Variants in DNAJC11 observed in about 807,000 individuals in gnomAD.
DNAJC11 encodes the protein dnaJ homolog subfamily C member 11.
A neutral mutation model predicts 78.6 loss-of-function variants in DNAJC11; 15 were observed. The ratio of observed to expected loss-of-function variants is 0.19; its 90% CI spans 0.13 to 0.29. DNAJC11 has a LOEUF of 0.29. DNAJC11 is among the 10% of genes least tolerant of loss of function. DNAJC11 has a pLI of 1.00. For synonymous variants in DNAJC11, 292 were observed against 272.1 expected (o/e 1.07, Z -0.72); for missense variants, 547 against 709.6 (o/e 0.77, Z 2.60).
chr1:6,698,081 G>A (rs1312362507), intron 1 of DNAJC11, among the ~76,000 whole-genome samples: 3 of 152,236 alleles, frequency 2.0e-5, no homozygotes, highest in African/African-American at 4.8e-5. Context: ...TGAGCCACGC[G>A]CCCAGCCTAT....
At chr1:6,657,452 G>A (rs541347027) in intron 4 of DNAJC11, among the ~76,000 whole-genome samples, 1 of 152,284 alleles carries the variant, frequency 6.6e-6, no homozygotes, top group South Asian at 2.1e-4. Flanking sequence ...CCATCTGACT[G>A]CAACCCCTGT....
chr1:6,653,966 C>G lies in DNAJC11; in HGVS notation c.452G>C (p.Gly151Ala). Residue 151 changes from glycine to alanine, a missense_variant, in exon 5 of 16, where the codon GGC becomes GCC. By Grantham distance (60) the Gly-to-Ala change is moderately conservative (BLOSUM62 0). Transcript: ENST00000377577. The surrounding 1 kb of genome is among the most constrained non-coding windows in gnomAD (Gnocchi z 4.5). ...RYDEEYEDVS[G>A]SSFPQIEINK... ...AATTTCAATCTGCGGAAAGCTACTG[C>G]CGGACACATCTTCATACTCCTCATC... The G allele has an allele frequency of 6.2e-7, 1 of 1,613,562 alleles. No individual in the cohort carries two copies. Among genetic ancestry groups the G allele is most frequent in the South Asian group, 1.1e-5 (1 of 91,076 alleles).
intron 3 of DNAJC11, 50 bp from the exon 4 acceptor site, chr1:6,667,860 G>GCGA: frequency 1.3e-6 from 2 of 1,542,556 alleles, no homozygotes; most frequent in Non-Finnish European, 1.8e-6. Context: ...AGGAGGTAAG[G>GCGA]GAAACGTACA....
intron 7 of DNAJC11, among the ~76,000 whole-genome samples, chr1:6,650,438 C>T (rs537542711): frequency 2.6e-5 from 4 of 152,184 alleles, no homozygotes; most frequent in Admixed American, 1.3e-4. Context: ...TGTTGGCACA[C>T]GCCTGTAGTC....
At chr1:6,671,260 T>C (rs1043300543) in intron 3 of DNAJC11, among the ~76,000 whole-genome samples, 2 of 152,250 alleles carry the variant, frequency 1.3e-5, no homozygotes, top group Non-Finnish European at 2.9e-5. Flanking sequence ...TTTATTTATT[T>C]GAGACAGAGT....
chr1:6,638,399 C>G (rs771044478), intron 11 of DNAJC11, 35 bp from the exon 12 acceptor site: 1 of 1,596,342 alleles, frequency 6.3e-7, no homozygotes, highest in South Asian at 1.1e-5. Flanking sequence ...CACGTTAGCG[C>G]GGCGCTGCCC....
chr1:6,637,283 C>T lies in DNAJC11; in HGVS notation c.1439G>A (p.Ser480Asn), dbSNP rs1292326129. Reference protein sequence around the residue: ...GKFVNDKSRKSEKVKVIDVTV... With the variant: ...GKFVNDKSRKNEKVKVIDVTV... ...CACGTCAATCACCTTCACCTTCTCG[C>T]TCTTCCTGCTCTTGTCATTGACAAA... Residue 480 changes from serine to asparagine, a missense_variant, in exon 14 of 16, where the codon AGC (serine) becomes AAC (asparagine). Coordinates refer to ENST00000377577, the MANE Select transcript of DNAJC11 (RefSeq NM_018198.4). 1 of 1,614,236 alleles carries T rather than the reference C, an allele frequency of 6.2e-7. No individual in the cohort carries two copies. The highest frequency in any genetic ancestry group is 1.1e-5 in the South Asian group (1 of 91,084).
At position 6,645,952 on chromosome 1, in the gene DNAJC11, T is replaced by C. The variant is rs755185368; in HGVS notation, c.731A>G (p.Gln244Arg). The change falls in exon 8 of 16, where the codon CAG (glutamine) becomes CGG (arginine). Residue 244 changes from glutamine to arginine, a missense_variant. Gln to Arg is a conservative substitution (Grantham distance 43). Transcript: ENST00000377577. The surrounding 1 kb of genome is among the most constrained non-coding windows in gnomAD (Gnocchi z 4.1). ...RCFVTTNCAL[Q>R]FSSRGIRPGL... ...GGGTCGGATTCCACGGGATGAAAAC[T>C]GCAGAGCACAGTTTGTTGTCACAAA... The C allele has an allele frequency of 6.2e-7, 1 of 1,614,106 alleles. No individual in the cohort carries two copies.
At chr1:6,651,320 G>A (rs1377554955) in intron 7 of DNAJC11, 2 of 652,728 alleles carry the variant, frequency 3.1e-6, no homozygotes, top group Non-Finnish European at 5.6e-6. Flanking sequence ...GGCCAGGGCT[G>A]GGACAAGGGT....
intron 3 of DNAJC11, 45 bp from the exon 4 acceptor site, chr1:6,667,855 G>A (rs776083952): frequency 2.5e-6 from 4 of 1,571,824 alleles, no homozygotes; most frequent in Non-Finnish European, 2.6e-6. Flanking sequence ...GACCCAGGAG[G>A]TAAGGGAAAC....
rs144207639 is a variant in DNAJC11, at chr1:6,636,214, C to G, written c.1557G>C (p.Val519=). The change falls in exon 15 of 16, where the codon GTG becomes GTC. Residue 519 remains valine (V), a synonymous_variant. Transcript: ENST00000377577. The part of the protein sequence containing the change: ...AGLPGFYDPC[V]GEEKNLKVLY... ...GCACTTTCAGGTTCTTCTCTTCCCC[C>G]ACACACGGGTCATAAAAGCCAGGCA... 3.1e-5 allele frequency: 50 copies of G among 1,614,158 alleles called. No homozygotes were observed. Among genetic ancestry groups the G allele is most frequent in the African/African-American group, 1.9e-4 (14 of 75,052 alleles).
chr1:6,688,501 T>C (rs903230985), intron 1 of DNAJC11, among the ~76,000 whole-genome samples: 1 of 152,216 alleles, frequency 6.6e-6, no homozygotes, highest in South Asian at 2.1e-4. Flanking sequence ...ATATGGTCCG[T>C]AGCTCAAAGA....
chr1:6,663,944 G>A (rs1416091954), intron 4 of DNAJC11, among the ~76,000 whole-genome samples: 1 of 152,222 alleles, frequency 6.6e-6, no homozygotes, highest in Non-Finnish European at 1.5e-5. Flanking sequence ...TGGAATCTGA[G>A]TCTGGACGCA....
intron 1 of DNAJC11, among the ~76,000 whole-genome samples, chr1:6,700,640 C>T (rs1642910341): frequency 6.6e-6 from 1 of 152,220 alleles, no homozygotes; most frequent in Non-Finnish European, 1.5e-5. Context: ...ACCTTAAGAG[C>T]TATCCTCAGA....
intron 1 of DNAJC11, among the ~76,000 whole-genome samples, chr1:6,687,483 A>T (rs1272182256): frequency 6.6e-6 from 1 of 150,572 alleles, no homozygotes; most frequent in African/African-American, 2.4e-5. Flanking sequence ...CAGCCTCTTG[A>T]GTAGTTGGGA....
chr1:6,686,735 C>A (rs1287198472), intron 1 of DNAJC11, among the ~76,000 whole-genome samples: 2 of 152,204 alleles, frequency 1.3e-5, no homozygotes, highest in African/African-American at 4.8e-5. Flanking sequence ...TTATACCTAC[C>A]ATGATGATGA....
chr1:6,691,188 GAAAA>G (rs5772249), intron 1 of DNAJC11, among the ~76,000 whole-genome samples: 4 of 125,196 alleles, frequency 3.2e-5, no homozygotes, highest in South Asian at 2.6e-4. Context: ...CCCAAAGACT[GAAAA>G]AAAAAAAAAA....
chr1:6,673,868 A>G (rs911672417), intron 3 of DNAJC11, among the ~76,000 whole-genome samples: 6 of 152,208 alleles, frequency 3.9e-5, no homozygotes, highest in Non-Finnish European at 4.4e-5. Flanking sequence ...ACTTTCTCAT[A>G]TACTATAAAA....
rs143322267 is a variant in DNAJC11 at position 6,665,592 on chromosome 1, C to T, written c.378+2117G>A. Among the ~76,000 whole-genome samples the T allele has an allele frequency of 3.9e-5, 6 of 152,286 alleles. No individual in the cohort carries two copies. In the East Asian group the frequency reaches 1.2e-3, roughly 29 times the overall value. On this transcript the variant is annotated intron_variant, in intron 4 of 15. Transcript: ENST00000377577. ...TTTATGGAAGTAGCAAAGTATAGGA[C>T]ATTTTAAAAATCACTTGCATGCCTG...
Sources: allele counts gnomAD v4.1 joint callset (sites outside exome capture counted in the v4.1 genomes callset), GRCh38; gene constraint gnomAD v4.1.1; non-coding constraint Gnocchi (gnomAD v3.1); transcripts MANE v1.5; gene names NCBI Gene and HGNC (gene_info 2026-07-23, HGNC 2026-07-21).